The following NETO1 variants were observed in gnomAD, a reference collection of about 807,000 sequenced individuals.
The protein encoded by NETO1 is neuropilin and tolloid-like protein 1.
NETO1 carries 26 observed loss-of-function variants against 61.3 expected under a neutral mutation model. The observed-to-expected ratio is 0.42, with a 90% CI of 0.31 to 0.59. NETO1 has a LOEUF of 0.59. Among genes scored for constraint, NETO1 ranks in the 20% least tolerant of loss-of-function variants. NETO1 has a pLI of 0.12. For missense variants in NETO1, 531 were observed against 662.8 expected, an observed-to-expected ratio of 0.80 and a Z score of 2.18; for synonymous variants, 225 against 225.8, an observed-to-expected ratio of 1.00 and a Z score of 0.03.
At chr18:72,809,079 T>G (rs1411149241) in intron 4 of NETO1, among the ~76,000 whole-genome samples, 1 of 152,198 alleles carries the variant, frequency 6.6e-6, no homozygotes, top group African/African-American at 2.4e-5. Context: ...TTCTCATTCC[T>G]TTACCAAGGG....
At chr18:72,867,130 T>A (rs1395876789) in intron 1 of NETO1, 134 bp downstream of exon 1, 12 of 616,818 alleles carry the variant, frequency 1.9e-5, no homozygotes, top group Non-Finnish European at 2.8e-5. Context: ...AAAGTTTACG[T>A]CGGCCCCGAC....
intron 4 of NETO1, among the ~76,000 whole-genome samples, chr18:72,809,277 A>G (rs2072783217): frequency 6.6e-6 from 1 of 152,218 alleles, no homozygotes; most frequent in Non-Finnish European, 1.5e-5. Context: ...ATTATGTTAA[A>G]CAAAACAGAC....
At chr18:72,807,652 A>T (rs768488356) in intron 4 of NETO1, among the ~76,000 whole-genome samples, 35 of 152,022 alleles carry the variant, frequency 2.3e-4, no homozygotes, top group Admixed American at 3.9e-4. Flanking sequence ...GATGTGGGGG[A>T]TAGAGTGAAG....
intron 4 of NETO1, among the ~76,000 whole-genome samples, chr18:72,824,568 A>G (rs1483146508): frequency 6.6e-6 from 1 of 152,210 alleles, no homozygotes; most frequent in Admixed American, 6.5e-5. Flanking sequence ...TTGAATTGCC[A>G]TAAAAGAGAT....
intron 6 of NETO1, among the ~76,000 whole-genome samples, chr18:72,784,274 G>A (rs142521117): frequency 5.3e-5 from 8 of 152,148 alleles, no homozygotes; most frequent in Admixed American, 2.6e-4. Context: ...GTTTCAGTTC[G>A]ATGGCTTCCT....
intron 4 of NETO1, among the ~76,000 whole-genome samples, chr18:72,806,460 C>A (rs1254274429): frequency 2.0e-5 from 3 of 152,130 alleles, no homozygotes; most frequent in Non-Finnish European, 2.9e-5. Flanking sequence ...CTAATCACTC[C>A]TATACATAGT....
At chr18:72,787,007 A>G (rs941402256) in intron 6 of NETO1, among the ~76,000 whole-genome samples, 2 of 150,746 alleles carry the variant, frequency 1.3e-5, no homozygotes, top group Non-Finnish European at 3.0e-5. Flanking sequence ...AACCTTAAAA[A>G]GGATTAAAAT....
intron 6 of NETO1, among the ~76,000 whole-genome samples, chr18:72,792,792 G>T (rs766839300): frequency 6.6e-6 from 1 of 151,916 alleles, no homozygotes; most frequent in African/African-American, 2.4e-5. Flanking sequence ...CTCAACCCAC[G>T]CTTTCATGTG....
intron 4 of NETO1, among the ~76,000 whole-genome samples, chr18:72,795,175 CT>C (rs2072268080): frequency 6.6e-6 from 1 of 152,132 alleles, no homozygotes; most frequent in Non-Finnish European, 1.5e-5. Flanking sequence ...AAGTGGGGGT[CT>C]CGTTCTTGTT....
At chr18:72,748,480 A>T (rs2145065698) in intron 10 of NETO1, among the ~76,000 whole-genome samples, 1 of 152,244 alleles carries the variant, frequency 6.6e-6, no homozygotes, top group South Asian at 2.1e-4. Flanking sequence ...TTGACTTAAC[A>T]TGCTGCATTT....
intron 7 of NETO1, among the ~76,000 whole-genome samples, chr18:72,757,961 A>AT (rs2070839555): frequency 6.6e-6 from 1 of 152,226 alleles, no homozygotes; most frequent in Non-Finnish European, 1.5e-5. Flanking sequence ...TTTTGAAAGT[A>AT]TAATTACCCA....
intron 4 of NETO1, among the ~76,000 whole-genome samples, chr18:72,803,684 G>A (rs1486893453): frequency 6.6e-6 from 1 of 152,046 alleles, no homozygotes; most frequent in Non-Finnish European, 1.5e-5. Context: ...AGTCAGGTGT[G>A]GTGGCACATG....
chr18:72,782,751 C>T (rs188473601), intron 7 of NETO1, among the ~76,000 whole-genome samples: 1 of 152,100 alleles, frequency 6.6e-6, no homozygotes, highest in Admixed American at 6.5e-5. Context: ...TTGCTGTGAG[C>T]TGAGATCGCA....
At chr18:72,742,379 CT>C (rs2070357952), downstream of NETO1, 1 of 152,182 alleles carries the variant, frequency 6.6e-6, no homozygotes, top group African/African-American at 2.4e-5. Context: ...TACATTGTTA[CT>C]CTTTATAGAT....
chr18:72,743,354 A>T (rs150427836), downstream of NETO1, among the ~76,000 whole-genome samples: 64 of 152,350 alleles, frequency 4.2e-4, no homozygotes, highest in African/African-American at 1.4e-3. Flanking sequence ...TTAGAAGGTC[A>T]GTTATTCACA....
chr18:72,863,470 G>A (rs142561588), intron 3 of NETO1, among the ~76,000 whole-genome samples: 256 of 152,314 alleles, frequency 1.7e-3, no homozygotes, highest in African/African-American at 4.7e-3. Context: ...TAAGTCCTAT[G>A]AGGCAGGTAG....
chr18:72,841,069 C>A (rs531282371), intron 4 of NETO1, among the ~76,000 whole-genome samples: 23 of 152,292 alleles, frequency 1.5e-4, no homozygotes, highest in Admixed American at 1.3e-3. Flanking sequence ...GACTACTCTT[C>A]TTCTAGCTGC....
At chr18:72,758,416 A>AG (rs2070859449) in intron 7 of NETO1, among the ~76,000 whole-genome samples, 1 of 85,212 alleles carries the variant, frequency 1.2e-5, no homozygotes, top group Non-Finnish European at 2.8e-5. Context: ...TGTGTGGAGG[A>AG]GGGGGGTGGG....
At chr18:72,803,211 C>T (rs1029974512) in intron 4 of NETO1, among the ~76,000 whole-genome samples, 7 of 152,184 alleles carry the variant, frequency 4.6e-5, no homozygotes, top group South Asian at 2.1e-4. Context: ...AGCTTCCCAA[C>T]GCTGAGAGAA....
Sources: allele counts gnomAD v4.1 joint callset (sites outside exome capture counted in the v4.1 genomes callset), GRCh38; gene constraint gnomAD v4.1.1; transcripts MANE v1.5; gene names NCBI Gene and HGNC (gene_info 2026-07-23, HGNC 2026-07-21).